SEZ6L2: variants seen among roughly 807,000 people sequenced by gnomAD.
SEZ6L2 encodes the protein seizure 6-like protein 2.
In SEZ6L2, 44 loss-of-function variants were observed where a neutral mutation model predicts 97.0. The ratio of observed to expected loss-of-function variants is 0.45; its 90% CI spans 0.36 to 0.58. SEZ6L2 has a LOEUF of 0.58. Among genes scored for constraint, SEZ6L2 ranks in the 20% least tolerant of loss-of-function variants. The probability of loss-of-function intolerance (pLI) is 0.00; values close to 1 mark genes in which losing one functional copy is unlikely to be tolerated. For synonymous variants in SEZ6L2, 543 were observed against 546.1 expected (o/e 0.99, Z 0.08); for missense variants, 1,086 against 1,233.3 (o/e 0.88, Z 1.79).
chr16:29,875,373 G>T (rs1187549585), intron 12 of SEZ6L2, among the ~76,000 whole-genome samples: 1 of 152,106 alleles, frequency 6.6e-6, no homozygotes, highest in Non-Finnish European at 1.5e-5. Flanking sequence ...ACACCTTCAG[G>T]CTCAATCTGC....
intron 5 of SEZ6L2, among the ~76,000 whole-genome samples, chr16:29,894,071 A>G (rs2068328754): frequency 6.6e-6 from 1 of 152,160 alleles, no homozygotes; most frequent in Non-Finnish European, 1.5e-5. Flanking sequence ...GGGTTTCACC[A>G]TGTTGGCCAG....
rs1302702673 is a variant in SEZ6L2 at position 29,873,694 on chromosome 16, C to A, written c.2140G>T (p.Gly714Trp). Residue 714 changes from glycine to tryptophan, a missense_variant, in exon 13 of 18, where the codon GGG becomes TGG. Physicochemically the swap from Gly to Trp is radical, Grantham distance 184. This residue lies in a region of SEZ6L2 where 310 missense variants were observed against 438.6 expected (regional missense o/e 0.71). Coordinates refer to ENST00000617533, the MANE Select transcript of SEZ6L2 (RefSeq NM_001243332.2). The surrounding 1 kb of genome is among the most constrained non-coding windows in gnomAD (Gnocchi z 4.3). ...CCGGCGTCCGAGGCGGTGCGGTGCC[C>A]GTTGGCAATCTCGCCAGGGTCAGCA... ...TCADPGEIAN[G>W]HRTASDAGFP... The A allele has an allele frequency of 6.2e-7, 1 of 1,606,564 alleles. No individual in the cohort carries two copies. Among genetic ancestry groups the A allele is most frequent in the Non-Finnish European group, 8.5e-7 (1 of 1,177,406 alleles).
chr16:29,877,825 C>T (rs1473028161), intron 10 of SEZ6L2, among the ~76,000 whole-genome samples: 6 of 152,214 alleles, frequency 3.9e-5, no homozygotes, highest in Non-Finnish European at 7.3e-5. Context: ...CCCTACACAA[C>T]TCTAGGCCCC....
At chr16:29,877,090 G>A in intron 11 of SEZ6L2, 140 bp from the exon 12 acceptor site, 6 of 1,092,694 alleles carry the variant, frequency 5.5e-6, no homozygotes, top group Non-Finnish European at 7.7e-6. Context: ...TGTCGCCCAG[G>A]CTGGAGTACA....
At position 29,895,444 on chromosome 16, in the gene SEZ6L2, A is replaced by C. The variant is rs1463432673; in HGVS notation, c.668T>G (p.Leu223Arg). 5.6e-6 allele frequency: 9 copies of C among 1,613,928 alleles called. No individual in the cohort carries two copies. The highest frequency in any genetic ancestry group is 7.6e-6 in the Non-Finnish European group (9 of 1,179,988). Residue 223 changes from leucine (L) to arginine (R), a missense_variant, in exon 5 of 18, where the codon CTG (leucine) becomes CGG (arginine). By Grantham distance (102) the Leu-to-Arg change is moderately radical. Coordinates refer to ENST00000617533, the MANE Select transcript of SEZ6L2 (RefSeq NM_001243332.2). Reference sequence around the variant, plus strand: ...CACCAGGAGCTCCTCTTCCTGTGACAGGTTCAGCGTCTGCACCTAGAGAAG... The same window carrying C: ...CACCAGGAGCTCCTCTTCCTGTGACCGGTTCAGCGTCTGCACCTAGAGAAG... ...GIEIQVQTLN[L>R]SQEEELLVLA...
intron 3 of SEZ6L2, 36 bp from the exon 4 acceptor site, chr16:29,895,896 C>A: frequency 6.4e-7 from 1 of 1,573,314 alleles, no homozygotes; most frequent in Non-Finnish European, 8.7e-7. Context: ...GGAAGGAATG[C>A]CTGTGCTTTT....
chr16:29,887,627 G>C, intron 7 of SEZ6L2, 22 bp downstream of exon 7: 1 of 1,532,416 alleles, frequency 6.5e-7, no homozygotes, highest in Non-Finnish European at 8.8e-7. Context: ...GGGGACTTCT[G>C]ACCCAAGACC....
At position 29,887,709 on chromosome 16, in the gene SEZ6L2, G is replaced by A; in HGVS notation, c.1148C>T (p.Ala383Val). 10 of 1,611,786 alleles carry A rather than the reference G, an allele frequency of 6.2e-6. No homozygotes were observed. The highest frequency in any genetic ancestry group is 8.5e-6 in the Non-Finnish European group (10 of 1,178,584). ...GTGCAGGTGCAGCCGGCGCCCCTCA[G>A]CTGCTTCAATGACCCAACGGCAGGT... ...NLTCRWVIEA[A>V]EGRRLHLHFE... is the part of the protein sequence containing the mutation. The change falls in exon 7 of 18, where the codon GCT (alanine) becomes GTT (valine). Residue 383 changes from alanine to valine, a missense_variant. Ala to Val is a moderately conservative substitution (Grantham distance 64). Around this residue, in one of 2 missense-constraint regions of SEZ6L2, gnomAD observed 776 missense variants for 794.7 expected, o/e 0.98. Coordinates refer to ENST00000617533, the MANE Select transcript of SEZ6L2 (RefSeq NM_001243332.2).
intron 5 of SEZ6L2, among the ~76,000 whole-genome samples, chr16:29,893,193 G>C (rs1259511759): frequency 6.6e-6 from 1 of 151,370 alleles, no homozygotes; most frequent in Non-Finnish European, 1.5e-5. Context: ...GAGTGGTGGG[G>C]CATGCTTGTA....
rs2068435972 is a variant in SEZ6L2, at chr16:29,897,737, G to C, written c.211+116C>G. The C allele has an allele frequency of 8.9e-6, 11 of 1,240,224 alleles. No individual in the cohort carries two copies. In the South Asian group the frequency reaches 1.3e-4, roughly 15 times the overall value. 76.8% of individuals were successfully genotyped at this position (1,240,224 alleles called of 1,614,324 possible). Reference sequence around the variant, plus strand: ...TTCCCTGAATCTCACAGGAATGCAGGCTCTTTCCTCTGCAGTCTCTCTCTG... The same window carrying C: ...TTCCCTGAATCTCACAGGAATGCAGCCTCTTTCCTCTGCAGTCTCTCTCTG... On this transcript the variant is annotated intron_variant, in intron 2 of 17. Coordinates refer to ENST00000617533, the MANE Select transcript of SEZ6L2 (RefSeq NM_001243332.2).
intron 5 of SEZ6L2, among the ~76,000 whole-genome samples, chr16:29,893,897 T>C (rs2068325637): frequency 6.6e-6 from 1 of 152,078 alleles, no homozygotes; most frequent in South Asian, 2.1e-4. Flanking sequence ...TGAGACAGAG[T>C]TTCACTTTTG....
rs1209026773 is a variant in SEZ6L2 at position 29,873,118 on chromosome 16, A to T, written c.2488+122T>A. The T allele has an allele frequency of 8.8e-7, 1 of 1,141,570 alleles. No individual in the cohort carries two copies. The highest frequency in any genetic ancestry group is 1.5e-5 in the African/African-American group (1 of 65,242). The allele number at this position is 1,141,570 out of a possible 1,614,324, so 70.7% of individuals were successfully genotyped here. A position where few individuals can be genotyped will look rare whatever the true frequency, so the allele number is the denominator to read the frequency against. On this transcript the variant is annotated intron_variant, in intron 14 of 17. Transcript: ENST00000617533. This position sits in a 1 kb window ranked among gnomAD's most constrained non-coding sequence, Gnocchi z 4.3. Reference sequence around the variant, plus strand: ...GACACACCCGTGAGGACACGAGGCCACAGGAGGAGAACCGGGAGCTCTGTG... The same window carrying T: ...GACACACCCGTGAGGACACGAGGCCTCAGGAGGAGAACCGGGAGCTCTGTG...
rs2150784000 is a variant in SEZ6L2, at chr16:29,877,286, C to T, written c.1894G>A (p.Val632Ile). The part of the protein sequence containing the change: ...PPNPGLGQGF[V>I]LHFKEVPRND... ...CCCTCAGTACCTTTGAAGTGCAATA[C>T]GAAGCCCTGGCCCAGGCCTGGATTT... The change falls in exon 11 of 18, where the codon GTA becomes ATA. Residue 632 changes from valine to isoleucine, a missense_variant. By Grantham distance (29) the Val-to-Ile change is conservative. Around this residue, in one of 2 missense-constraint regions of SEZ6L2, gnomAD observed 310 missense variants for 438.6 expected, o/e 0.71. Coordinates refer to ENST00000617533, the MANE Select transcript of SEZ6L2 (RefSeq NM_001243332.2). 1 of 1,600,066 alleles carries T rather than the reference C, an allele frequency of 6.2e-7. No individual in the cohort carries two copies. Among genetic ancestry groups the T allele is most frequent in the African/African-American group, 1.3e-5 (1 of 74,710 alleles).
intron 8 of SEZ6L2, among the ~76,000 whole-genome samples, chr16:29,884,037 CTCT>C (rs1439132674): frequency 6.6e-6 from 1 of 152,122 alleles, no homozygotes; most frequent in African/African-American, 2.4e-5. Context: ...ACATTCATTC[CTCT>C]TCTTCTGGTA....
At chr16:29,880,164 C>T (rs1475927796) in intron 8 of SEZ6L2, 100 bp from the exon 9 acceptor site, 3 of 1,109,876 alleles carry the variant, frequency 2.7e-6, no homozygotes, top group East Asian at 5.2e-5. Flanking sequence ...TGGCCACTCA[C>T]TGGGCTTTTT....
chr16:29,895,555 C>T, intron 4 of SEZ6L2, 95 bp from the exon 5 acceptor site: 2 of 1,436,158 alleles, frequency 1.4e-6, no homozygotes. Flanking sequence ...GTGTAGCAGC[C>T]CAAAAGGCAC....
chr16:29,876,984 G>C lies in SEZ6L2; in HGVS notation c.1910-34C>G, dbSNP rs2067918219. The C allele has an allele frequency of 1.9e-6, 3 of 1,568,246 alleles. No individual in the cohort carries two copies. Among genetic ancestry groups the C allele is most frequent in the Non-Finnish European group, 2.6e-6 (3 of 1,151,152 alleles). ...GAGGGAAGGCGAGTTTGGAGGCTGCGTTTTAACTGCGGGCTCCCTTCCAGC... is the reference window on the plus strand; with the variant it reads ...GAGGGAAGGCGAGTTTGGAGGCTGCCTTTTAACTGCGGGCTCCCTTCCAGC... On this transcript the variant is annotated intron_variant, in intron 11 of 17. Coordinates refer to ENST00000617533, the MANE Select transcript of SEZ6L2 (RefSeq NM_001243332.2). The surrounding 1 kb of genome is among the most constrained non-coding windows in gnomAD (Gnocchi z 6.5).
intron 5 of SEZ6L2, among the ~76,000 whole-genome samples, chr16:29,892,634 G>T (rs1033841594): frequency 8.5e-5 from 13 of 152,210 alleles, no homozygotes; most frequent in African/African-American, 3.1e-4. Context: ...TAGGATTCAG[G>T]GTGTACCCTG....
rs951022662 is a variant in SEZ6L2 at position 29,876,227 on chromosome 16, G to A, written c.2104+529C>T. Reference sequence around the variant, plus strand: ...GTATGGAGGGGCTTGAACCCCCTTCGCCTAACCCCAACCCAGCACGGGGCT... The same window carrying A: ...GTATGGAGGGGCTTGAACCCCCTTCACCTAACCCCAACCCAGCACGGGGCT... On this transcript the variant is annotated intron_variant, in intron 12 of 17. Transcript: ENST00000617533. The surrounding 1 kb of genome is among the most constrained non-coding windows in gnomAD (Gnocchi z 6.5). Among the ~76,000 whole-genome samples, 1 of 152,118 alleles carries A rather than the reference G, an allele frequency of 6.6e-6. No homozygotes were observed. Among genetic ancestry groups the A allele is most frequent in the Non-Finnish European group, 1.5e-5 (1 of 68,020 alleles).
Sources: gnomAD v4.1 joint callset for allele counts (sites outside exome capture counted in the v4.1 genomes callset) on GRCh38, gnomAD v4.1.1 for gene constraint, gnomAD v4.1.1 regional missense constraint, Gnocchi (gnomAD v3.1) non-coding constraint, MANE v1.5 for transcripts, NCBI Gene and HGNC (gene_info 2026-07-23, HGNC 2026-07-21) for gene names.